The following BMERB1 variants were observed in gnomAD, a reference collection of about 807,000 sequenced individuals.
The protein encoded by BMERB1 is bMERB domain-containing protein 1.
A neutral mutation model predicts 23.6 loss-of-function variants in BMERB1; 12 were observed. The observed-to-expected ratio is 0.51, with a 90% confidence interval of 0.33 to 0.82. BMERB1 has a LOEUF of 0.82. BMERB1 is among the 40% of genes least tolerant of loss of function. The pLI is 0.03. For missense variants in BMERB1, 247 were observed against 255.4 expected, an observed-to-expected ratio of 0.97 and a Z score of 0.22; for synonymous variants, 122 against 96.6, an observed-to-expected ratio of 1.26 and a Z score of -1.54.
chr16:15,445,476 T>G (rs2050981281), intron 1 of BMERB1, among the ~76,000 whole-genome samples: 1 of 152,150 alleles, frequency 6.6e-6, no homozygotes, highest in Non-Finnish European at 1.5e-5. Flanking sequence ...TAGCCAACCC[T>G]GGGGCTTCTG....
At chr16:15,477,069 T>C (rs542346719) in intron 1 of BMERB1, among the ~76,000 whole-genome samples, 27 of 152,316 alleles carry the variant, frequency 1.8e-4, no homozygotes, top group African/African-American at 6.0e-4. Context: ...AAGACCAGCC[T>C]AGGCAACTGT....
chr16:15,520,054 T>C (rs1218498277), intron 2 of BMERB1, among the ~76,000 whole-genome samples: 1 of 152,124 alleles, frequency 6.6e-6, no homozygotes, highest in Non-Finnish European at 1.5e-5. Context: ...CTGCATGCAT[T>C]CACCCCTTAA....
chr16:15,518,008 TGTGGGTGTGGATGTGTGC>T (rs1446569119), intron 2 of BMERB1, among the ~76,000 whole-genome samples: 1 of 151,390 alleles, frequency 6.6e-6, no homozygotes, highest in Non-Finnish European at 1.5e-5. Flanking sequence ...TGGATGTGTG[TGTGGGTGTGGATGTGTGC>T]GTGTGTGGAT....
intron 4 of BMERB1, 117 bp from the exon 5 acceptor site, chr16:15,583,039 C>G: frequency 1.3e-6 from 1 of 782,814 alleles, no homozygotes; most frequent in South Asian, 1.4e-5. Context: ...CACGTGACAA[C>G]ATACATGCCC....
chr16:15,553,314 G>GT (rs1346154939), intron 2 of BMERB1, among the ~76,000 whole-genome samples: 1 of 152,084 alleles, frequency 6.6e-6, no homozygotes, highest in Non-Finnish European at 1.5e-5. Flanking sequence ...GGCCCAAAAC[G>GT]TTTTTTTAAA....
At chr16:15,521,178 T>C (rs979638111) in intron 2 of BMERB1, among the ~76,000 whole-genome samples, 2 of 152,230 alleles carry the variant, frequency 1.3e-5, no homozygotes, top group Admixed American at 6.5e-5. Context: ...GCAATACTCA[T>C]CTTGTCAGTG....
At chr16:15,475,726 T>C (rs951999808) in intron 1 of BMERB1, among the ~76,000 whole-genome samples, 1 of 152,190 alleles carries the variant, frequency 6.6e-6, no homozygotes, top group African/African-American at 2.4e-5. Context: ...GAATCAGCTC[T>C]CAATTTGTTC....
At chr16:15,561,938 G>A (rs1470224882) in intron 2 of BMERB1, among the ~76,000 whole-genome samples, 1 of 152,152 alleles carries the variant, frequency 6.6e-6, no homozygotes, top group Non-Finnish European at 1.5e-5. Context: ...GCATTTGACT[G>A]TGTAGGTCCC....
intron 2 of BMERB1, among the ~76,000 whole-genome samples, chr16:15,539,849 A>AG (rs1555512265): frequency 1.3e-5 from 2 of 151,944 alleles, no homozygotes; most frequent in Non-Finnish European, 2.9e-5. Context: ...CTCAAAAAAA[A>AG]AAAAAGAAAA....
In BMERB1 at chr16:15,560,741, T is replaced by G. The variant is rs944017263; in HGVS notation, c.231-7242T>G. On this transcript the variant is annotated intron_variant, in intron 2 of 5. Coordinates refer to ENST00000300006, the MANE Select transcript of BMERB1 (RefSeq NM_033201.3). ...CCAGGAGGCAGAGATTGCAGTGAGC[T>G]GAGATTGTGCCACTGCATTCCAGCC... 2.0e-5 allele frequency among the ~76,000 whole-genome samples: 3 copies of G among 151,672 alleles called. 1 individual carries two copies. The highest frequency in any genetic ancestry group is 1.5e-5 in the Non-Finnish European group (1 of 67,944).
chr16:15,509,312 G>A (rs2051629892), intron 1 of BMERB1, among the ~76,000 whole-genome samples: 1 of 140,596 alleles, frequency 7.1e-6, no homozygotes, highest in Non-Finnish European at 1.5e-5. Context: ...TTAAGGTCAC[G>A]TGGTTGTGGA....
At chr16:15,560,373 G>A (rs2030383626) in intron 2 of BMERB1, among the ~76,000 whole-genome samples, 1 of 152,216 alleles carries the variant, frequency 6.6e-6, no homozygotes, top group African/African-American at 2.4e-5. Context: ...AGTAGAAGTG[G>A]CCTCTGCTAC....
intron 1 of BMERB1, among the ~76,000 whole-genome samples, chr16:15,503,667 A>C (rs2051554214): frequency 6.6e-6 from 1 of 152,106 alleles, no homozygotes; most frequent in East Asian, 1.9e-4. Context: ...AGGGACAAGT[A>C]TATCATCCCA....
chr16:15,470,186 T>C (rs2051216902), intron 1 of BMERB1, among the ~76,000 whole-genome samples: 1 of 152,186 alleles, frequency 6.6e-6, no homozygotes, highest in South Asian at 2.1e-4. Context: ...TTGTACTACA[T>C]GAGTGTTGGA....
At chr16:15,487,009 G>A (rs2051374524) in intron 1 of BMERB1, among the ~76,000 whole-genome samples, 1 of 152,158 alleles carries the variant, frequency 6.6e-6, no homozygotes, top group Non-Finnish European at 1.5e-5. Context: ...TTACTGTAAA[G>A]TTCATTTCAT....
chr16:15,586,281 C>G (rs566608092), intron 5 of BMERB1, among the ~76,000 whole-genome samples: 2 of 152,232 alleles, frequency 1.3e-5, no homozygotes, highest in South Asian at 4.2e-4. Flanking sequence ...GGAGATAAAA[C>G]AGAGAATGGG....
intron 2 of BMERB1, among the ~76,000 whole-genome samples, chr16:15,532,546 T>C (rs1207523888): frequency 2.4e-5 from 1 of 41,440 alleles, no homozygotes; most frequent in Non-Finnish European, 3.6e-5. Context: ...TTCTTTTTCT[T>C]TTTTTTTTTT....
intron 1 of BMERB1, among the ~76,000 whole-genome samples, chr16:15,441,178 A>G (rs1159632062): frequency 6.6e-6 from 1 of 152,064 alleles, no homozygotes; most frequent in African/African-American, 2.4e-5. Flanking sequence ...AGAAACTGCT[A>G]AAAAATTTTA....
At chr16:15,447,139 G>A (rs553361377) in intron 1 of BMERB1, among the ~76,000 whole-genome samples, 33 of 152,138 alleles carry the variant, frequency 2.2e-4, no homozygotes, top group Admixed American at 5.9e-4. Flanking sequence ...TGCCCCAAAG[G>A]ATGTATTGGT....
Sources: gnomAD v4.1 joint callset for allele counts (sites outside exome capture counted in the v4.1 genomes callset) on GRCh38, gnomAD v4.1.1 for gene constraint, MANE v1.5 for transcripts, NCBI Gene and HGNC (gene_info 2026-07-23, HGNC 2026-07-21) for gene names.